SHROOM3: variants seen among roughly 807,000 people sequenced by gnomAD.
SHROOM3 encodes the protein protein Shroom3.
Under a neutral mutation model 138.6 loss-of-function variants are expected in SHROOM3, and 47 were observed. The observed-to-expected ratio is 0.34, with a 90% CI of 0.27 to 0.43. The LOEUF (loss-of-function observed/expected upper bound fraction) is 0.43, where lower values mean the gene tolerates loss of function less well. Among genes scored for constraint, SHROOM3 ranks in the 20% least tolerant of loss-of-function variants. SHROOM3 has a pLI of 1.00. For missense variants in SHROOM3, 2,491 were observed against 2,596.5 expected (o/e 0.96, Z 0.88); for synonymous variants, 1,062 against 1,063.3 (o/e 1.00, Z 0.02).
chr4:76,747,237 A>G (rs1179361568), intron 5 of SHROOM3, among the ~76,000 whole-genome samples: 1 of 152,150 alleles, frequency 6.6e-6, no homozygotes, highest in African/African-American at 2.4e-5. Context: ...TATTTTTCCC[A>G]TAGCCACTGT....
intron 1 of SHROOM3, among the ~76,000 whole-genome samples, chr4:76,437,407 G>A (rs894448648): frequency 6.6e-6 from 1 of 152,136 alleles, no homozygotes; most frequent in Non-Finnish European, 1.5e-5. Context: ...GGCAAGGGGA[G>A]CAGCAGCTCA....
At chr4:76,460,854 C>T (rs546256680) in intron 1 of SHROOM3, among the ~76,000 whole-genome samples, 110 of 58,730 alleles carry the variant, frequency 1.9e-3, no homozygotes, top group Admixed American at 5.5e-3. Context: ...ATTAGCCAGG[C>T]ATGGTAGTAT....
chr4:76,586,629 C>G (rs1734160410), intron 2 of SHROOM3, among the ~76,000 whole-genome samples: 1 of 152,160 alleles, frequency 6.6e-6, no homozygotes, highest in African/African-American at 2.4e-5. Flanking sequence ...GTCAGATATG[C>G]TGACAAAATA....
At chr4:76,561,349 T>C (rs1323939641) in intron 2 of SHROOM3, among the ~76,000 whole-genome samples, 4 of 152,120 alleles carry the variant, frequency 2.6e-5, no homozygotes, top group Non-Finnish European at 4.4e-5. Context: ...GAAAGCAGCA[T>C]TGAAAAAGTA....
At chr4:76,630,971 C>G (rs1735299026) in intron 2 of SHROOM3, among the ~76,000 whole-genome samples, 1 of 152,110 alleles carries the variant, frequency 6.6e-6, no homozygotes, top group Non-Finnish European at 1.5e-5. Flanking sequence ...AACAAATATT[C>G]ATGGGTTGCA....
intron 2 of SHROOM3, among the ~76,000 whole-genome samples, chr4:76,584,170 T>C (rs369214431): frequency 6.6e-6 from 1 of 151,898 alleles, no homozygotes; most frequent in Admixed American, 6.6e-5. Context: ...AATAAAAAAT[T>C]AGCCAGGCGT....
chr4:76,735,855 AAAAAAAAAAAAAAATATATATATAT>A (rs1437145286), intron 4 of SHROOM3, among the ~76,000 whole-genome samples: 24 of 47,952 alleles, frequency 5.0e-4, no homozygotes, highest in African/African-American at 1.2e-3. Context: ...AAAAAAAAAA[AAAAAAAAAAAAAAATATATATATAT>A]ATATATATAT....
chr4:76,578,081 C>T (rs1733975484), intron 2 of SHROOM3, among the ~76,000 whole-genome samples: 1 of 151,970 alleles, frequency 6.6e-6, no homozygotes, highest in Admixed American at 6.6e-5. Context: ...GTTTATTATG[C>T]TCCTGGTTAA....
At chr4:76,579,496 A>C (rs2110042645) in intron 2 of SHROOM3, among the ~76,000 whole-genome samples, 1 of 152,296 alleles carries the variant, frequency 6.6e-6, no homozygotes, top group Admixed American at 6.5e-5. Flanking sequence ...ACAAACAAAC[A>C]AACTTACACA....
chr4:76,741,069 G>A lies in SHROOM3; in HGVS notation c.2896G>A (p.Val966Met), dbSNP rs1721234754. 3 of 1,525,310 alleles carry A rather than the reference G, an allele frequency of 2.0e-6. No homozygotes were observed. The highest frequency in any genetic ancestry group is 2.2e-5 in the Admixed American group (1 of 46,058). 94.5% of individuals were successfully genotyped at this position (1,525,310 alleles called of 1,614,324 possible). The change falls in exon 5 of 11, where the codon GTG (valine) becomes ATG (methionine). Residue 966 changes from valine (V) to methionine (M), a missense_variant. Physicochemically the swap from Val to Met is conservative, Grantham distance 21. This residue lies in a region of SHROOM3 where 1,733 missense variants were observed against 1,661.6 expected (regional missense o/e 1.04). Coordinates refer to ENST00000296043, the MANE Select transcript of SHROOM3 (RefSeq NM_020859.4). The surrounding 1 kb of genome is among the most constrained non-coding windows in gnomAD (Gnocchi z 6.2). Reference protein sequence around the residue: ...SWRPRPSSAHVGLRSPEASAS... With the variant: ...SWRPRPSSAHMGLRSPEASAS... ...GCGGCCACGGCCTTCCTCGGCCCACGTGGGGCTGCGGAGCCCCGAGGCGTC... is the reference window on the plus strand; with the variant it reads ...GCGGCCACGGCCTTCCTCGGCCCACATGGGGCTGCGGAGCCCCGAGGCGTC...
intron 1 of SHROOM3, among the ~76,000 whole-genome samples, chr4:76,507,965 G>A (rs913931322): frequency 2.0e-5 from 3 of 152,138 alleles, no homozygotes; most frequent in African/African-American, 7.2e-5. Flanking sequence ...GTAGATGCAA[G>A]CCCCTATCAG....
At position 76,661,354 on chromosome 4, in the gene SHROOM3, C is replaced by G. The variant is rs931888109; in HGVS notation, c.324-48802C>G. Among the ~76,000 whole-genome samples the G allele has an allele frequency of 2.6e-5, 4 of 152,174 alleles. No individual in the cohort carries two copies. In the South Asian group the frequency reaches 8.3e-4, roughly 32 times the overall value. The stretch of plus-strand genomic sequence containing the variant: ...ACGCCATTCTCCTGCCTCAGCCTAC[C>G]AAGTAGCTGGGAATACAAGCGCCCG... On this transcript the variant is annotated intron_variant, in intron 2 of 10. Transcript: ENST00000296043.
intron 2 of SHROOM3, among the ~76,000 whole-genome samples, chr4:76,626,338 G>A (rs1013063485): frequency 1.3e-5 from 2 of 152,076 alleles, no homozygotes; most frequent in Admixed American, 1.3e-4. Flanking sequence ...TTAATTGTGG[G>A]TATTTAAATA....
intron 1 of SHROOM3, among the ~76,000 whole-genome samples, chr4:76,532,014 C>T (rs969517083): frequency 1.1e-4 from 16 of 150,146 alleles, no homozygotes; most frequent in Admixed American, 6.7e-5. Flanking sequence ...CCCATTAACT[C>T]GTCATTTACA....
intron 2 of SHROOM3, 127 bp from the exon 3 acceptor site, chr4:76,710,029 T>A: frequency 8.0e-7 from 1 of 1,251,502 alleles, no homozygotes; most frequent in Non-Finnish European, 1.2e-6. Context: ...AACCCTGCAC[T>A]TAGCTGTGCT....
intron 3 of SHROOM3, among the ~76,000 whole-genome samples, chr4:76,726,573 CTG>C (rs1189648408): frequency 1.4e-5 from 2 of 139,282 alleles, no homozygotes; most frequent in African/African-American, 5.4e-5. Context: ...ATTTAAGAGA[CTG>C]TCTCTCTGGA....
At chr4:76,481,411 C>T (rs2109987911) in intron 1 of SHROOM3, among the ~76,000 whole-genome samples, 1 of 152,124 alleles carries the variant, frequency 6.6e-6, no homozygotes, top group East Asian at 1.9e-4. Flanking sequence ...CACATACACC[C>T]TCCCAAGACT....
At chr4:76,607,009 G>A (rs767068149) in intron 2 of SHROOM3, among the ~76,000 whole-genome samples, 1 of 152,048 alleles carries the variant, frequency 6.6e-6, no homozygotes, top group Non-Finnish European at 1.5e-5. Flanking sequence ...GTGTGTGTGT[G>A]TGTCATATTT....
chr4:76,611,252 G>GTC (rs143392800), intron 2 of SHROOM3, among the ~76,000 whole-genome samples: 7,277 of 149,478 alleles, frequency 0.049, 565 homozygotes, highest in African/African-American at 0.17. Context: ...CTCTCTCTGT[G>GTC]TCTCTCTCTC....
Sources: gnomAD v4.1 joint callset for allele counts (sites outside exome capture counted in the v4.1 genomes callset) on GRCh38, gnomAD v4.1.1 for gene constraint, gnomAD v4.1.1 regional missense constraint, Gnocchi (gnomAD v3.1) non-coding constraint, MANE v1.5 for transcripts, NCBI Gene and HGNC (gene_info 2026-07-23, HGNC 2026-07-21) for gene names.